EYS: variants seen among roughly 807,000 people sequenced by gnomAD.
EYS encodes EGF-like photoreceptor maintenance factor, also known as protein eyes shut homolog.
EYS carries 250 observed loss-of-function variants against 282.1 expected under a neutral mutation model. The ratio of observed to expected loss-of-function variants is 0.89; its 90% CI spans 0.80 to 0.98. The LOEUF (loss-of-function observed/expected upper bound fraction) is 0.98, where lower values mean the gene tolerates loss of function less well. EYS is among the 50% of genes least tolerant of loss of function. The probability of loss-of-function intolerance (pLI) is 0.00; values close to 1 mark genes in which losing one functional copy is unlikely to be tolerated. For missense variants in EYS, 4,016 were observed against 3,709.0 expected, an observed-to-expected ratio of 1.08 and a Z score of -2.15; for synonymous variants, 1,355 against 1,282.9, an observed-to-expected ratio of 1.06 and a Z score of -1.20.
chr6:63,737,526 C>T (rs896295261), intron 41 of EYS, among the ~76,000 whole-genome samples: 1 of 152,124 alleles, frequency 6.6e-6, no homozygotes, highest in Non-Finnish European at 1.5e-5. Context: ...CAATGTTCGT[C>T]AAGGATATTG....
At chr6:64,692,999 T>TTTTTTTTTC (rs1770444903) in intron 22 of EYS, among the ~76,000 whole-genome samples, 1 of 66,072 alleles carries the variant, frequency 1.5e-5, no homozygotes, top group Non-Finnish European at 3.6e-5. Flanking sequence ...TTTTTTTTTT[T>TTTTTTTTTC]GGTTCCAGAG....
intron 22 of EYS, among the ~76,000 whole-genome samples, chr6:64,735,135 G>A (rs1772144220): frequency 6.7e-6 from 1 of 149,214 alleles, no homozygotes; most frequent in Non-Finnish European, 1.5e-5. Context: ...CCAGGCTGTA[G>A]TGCAGCGGTG....
intron 39 of EYS, among the ~76,000 whole-genome samples, chr6:63,782,997 T>C (rs958855893): frequency 6.6e-6 from 1 of 151,588 alleles, no homozygotes; most frequent in Non-Finnish European, 1.5e-5. Context: ...TGCAGTAAAC[T>C]GATTACATTT....
chr6:64,215,600 A>G (rs1240610625), intron 31 of EYS, among the ~76,000 whole-genome samples: 1 of 152,122 alleles, frequency 6.6e-6, no homozygotes, highest in Non-Finnish European at 1.5e-5. Context: ...ATACCAAGGT[A>G]TTTGCCAAAT....
At chr6:64,693,967 A>T (rs1770489407) in intron 22 of EYS, among the ~76,000 whole-genome samples, 1 of 152,210 alleles carries the variant, frequency 6.6e-6, no homozygotes, top group Non-Finnish European at 1.5e-5. Context: ...TCTTTTAAAA[A>T]ATATAAGAAG....
chr6:64,030,130 A>G (rs1384617631), intron 33 of EYS, among the ~76,000 whole-genome samples: 1 of 152,212 alleles, frequency 6.6e-6, no homozygotes, highest in African/African-American at 2.4e-5. Context: ...AGGAAGAGAC[A>G]GAGAGACAGA....
chr6:65,311,503 C>T (rs558177120), intron 11 of EYS, among the ~76,000 whole-genome samples: 2 of 152,160 alleles, frequency 1.3e-5, no homozygotes, highest in East Asian at 3.9e-4. Context: ...ATAATGCTGC[C>T]TATTTACAAA....
rs535190866 is a variant in EYS, at chr6:64,817,463, A to G, written c.3244-3886T>C. Reference sequence around the variant, plus strand: ...CATAAATTACAGTCCACACTCAGAGAAACACAAATACATGCACTCATGTGT... The same window carrying G: ...CATAAATTACAGTCCACACTCAGAGGAACACAAATACATGCACTCATGTGT... On this transcript the variant is annotated intron_variant, in intron 21 of 42. Coordinates refer to ENST00000503581, the MANE Select transcript of EYS (RefSeq NM_001142800.2). Among the ~76,000 whole-genome samples, 9 of 152,314 alleles carry G rather than the reference A, an allele frequency of 5.9e-5. 1 individual carries two copies. The South Asian group carries it at 1.5e-3, about 25-fold the overall frequency.
At chr6:64,569,518 G>A (rs566269572) in intron 26 of EYS, among the ~76,000 whole-genome samples, 7 of 152,028 alleles carry the variant, frequency 4.6e-5, no homozygotes, top group Admixed American at 3.3e-4. Flanking sequence ...GAGGTGGGGG[G>A]GTCACGAGGT....
intron 13 of EYS, among the ~76,000 whole-genome samples, chr6:65,048,956 T>C (rs1022786732): frequency 2.0e-5 from 3 of 151,824 alleles, no homozygotes; most frequent in Admixed American, 2.0e-4. Flanking sequence ...ATTTTTTCTT[T>C]CCAGTGTGCC....
intron 31 of EYS, among the ~76,000 whole-genome samples, chr6:64,096,215 T>C (rs1024115885): frequency 6.6e-6 from 1 of 152,230 alleles, no homozygotes; most frequent in Non-Finnish European, 1.5e-5. Context: ...TTGTTGAATC[T>C]GACAATTATT....
chr6:65,658,592 A>G lies in EYS; in HGVS notation c.-447-18700T>C, dbSNP rs754102415. ...AACATGATTGTATTTTGAGTGATCA[A>G]TCTACTCAGATATTCAGTATATTTC... is the stretch of plus-strand genomic sequence containing the variant. On this transcript the variant is annotated intron_variant, in intron 1 of 42. Transcript: ENST00000503581. Among the ~76,000 whole-genome samples, 8 of 151,896 alleles carry G rather than the reference A, an allele frequency of 5.3e-5. No individual in the cohort carries two copies. The East Asian group carries it at 1.3e-3, about 26-fold the overall frequency.
chr6:64,703,429 A>ATTTATTTTTTTTTT (rs1770866257), intron 22 of EYS, among the ~76,000 whole-genome samples: 1 of 23,366 alleles, frequency 4.3e-5, no homozygotes, highest in African/African-American at 9.6e-5. Flanking sequence ...ATATATATAT[A>ATTTATTTTTTTTTT]TTTTTTTTTT....
At chr6:64,420,094 C>T (rs1774182473) in intron 28 of EYS, among the ~76,000 whole-genome samples, 2 of 152,110 alleles carry the variant, frequency 1.3e-5, no homozygotes, top group South Asian at 4.1e-4. Flanking sequence ...GATTTCATAC[C>T]TCTGAAATCT....
chr6:64,308,873 C>T (rs1033754029), intron 29 of EYS, among the ~76,000 whole-genome samples: 2 of 151,976 alleles, frequency 1.3e-5, no homozygotes, highest in Admixed American at 6.6e-5. Flanking sequence ...TCCAAAGAAA[C>T]TATTTAATGG....
rs532827929 is a variant in EYS, at chr6:65,179,958, T to C, written c.2023+115905A>G. ...TAAACAGAACCAAAGACAAAAACCG[T>C]ATGATTATCTCAATAGATGCATAAA... is the stretch of plus-strand genomic sequence containing the variant. On this transcript the variant is annotated intron_variant, in intron 12 of 42. Coordinates refer to ENST00000503581, the MANE Select transcript of EYS (RefSeq NM_001142800.2). Among the ~76,000 whole-genome samples, 1,211 of 152,036 alleles carry C rather than the reference T, an allele frequency of 8.0e-3. 10 individuals carry two copies. Among genetic ancestry groups the C allele is most frequent in the African/African-American group, 0.028 (1,151 of 41,502 alleles).
chr6:63,943,412 G>A (rs555552404), intron 35 of EYS, among the ~76,000 whole-genome samples: 60 of 152,256 alleles, frequency 3.9e-4, no homozygotes, highest in Admixed American at 3.5e-3. Context: ...TTACATTAAA[G>A]TTTACAGACT....
chr6:63,908,043 T>TAA (rs1318760852), intron 35 of EYS, among the ~76,000 whole-genome samples: 3 of 41,540 alleles, frequency 7.2e-5, no homozygotes, highest in African/African-American at 2.3e-4. Context: ...CGTTTGTGTG[T>TAA]GTGTGTGTGT....
At chr6:64,536,489 A>G (rs1053108004) in intron 26 of EYS, among the ~76,000 whole-genome samples, 1 of 152,166 alleles carries the variant, frequency 6.6e-6, no homozygotes, top group African/African-American at 2.4e-5. Flanking sequence ...GAGTCAGTGC[A>G]CTGGAGTAGC....
Sources: allele counts gnomAD v4.1 joint callset (sites outside exome capture counted in the v4.1 genomes callset), GRCh38; gene constraint gnomAD v4.1.1; transcripts MANE v1.5; gene names NCBI Gene and HGNC (gene_info 2026-07-23, HGNC 2026-07-21).